LRBA: variants seen among roughly 807,000 people sequenced by gnomAD.
The protein encoded by LRBA is lipopolysaccharide-responsive and beige-like anchor protein.
Under a neutral mutation model 330.0 loss-of-function variants are expected in LRBA, and 176 were observed. The ratio of observed to expected loss-of-function variants is 0.53; its 90% CI spans 0.47 to 0.60. The LOEUF (loss-of-function observed/expected upper bound fraction) is 0.60. Among genes scored for constraint, LRBA ranks in the 20% least tolerant of loss-of-function variants. The probability of loss-of-function intolerance (pLI) is 0.00; values close to 1 mark genes in which losing one functional copy is unlikely to be tolerated. For synonymous variants in LRBA, 1,230 were observed against 1,193.0 expected, an observed-to-expected ratio of 1.03 and a Z score of -0.64; for missense variants, 3,259 against 3,444.8, an observed-to-expected ratio of 0.95 and a Z score of 1.35.
intron 2 of LRBA, among the ~76,000 whole-genome samples, chr4:151,006,742 T>C (rs1333256868): frequency 6.6e-6 from 1 of 152,148 alleles, no homozygotes; most frequent in African/African-American, 2.4e-5. Context: ...CAGTTTAAAA[T>C]AAATCAATTC....
intron 37 of LRBA, among the ~76,000 whole-genome samples, chr4:150,636,229 G>T (rs1434167062): frequency 6.7e-6 from 1 of 148,822 alleles, no homozygotes; most frequent in African/African-American, 2.5e-5. Context: ...TTTTGAGGAG[G>T]TACTTTGGAA....
intron 33 of LRBA, among the ~76,000 whole-genome samples, chr4:150,799,434 T>C (rs1406061711): frequency 6.6e-6 from 1 of 152,206 alleles, no homozygotes; most frequent in East Asian, 1.9e-4. Context: ...TCTGCTGGTC[T>C]GAAACCTTGC....
At chr4:150,998,446 T>C (rs1307675904) in intron 2 of LRBA, among the ~76,000 whole-genome samples, 3 of 151,758 alleles carry the variant, frequency 2.0e-5, no homozygotes, top group African/African-American at 7.3e-5. Flanking sequence ...CTCAAACTCC[T>C]GGGCTCACGT....
At chr4:150,639,769 A>ATGTG (rs1340165155) in intron 37 of LRBA, among the ~76,000 whole-genome samples, 523 of 6,858 alleles carry the variant, frequency 0.076, 64 homozygotes, top group African/African-American at 0.2. Flanking sequence ...ATATATATAT[A>ATGTG]TATATATATA....
intron 37 of LRBA, among the ~76,000 whole-genome samples, chr4:150,613,055 T>C (rs1437527498): frequency 2.0e-5 from 3 of 152,012 alleles, no homozygotes; most frequent in African/African-American, 7.2e-5. Context: ...GCCGGTCCAA[T>C]AGAAAATGAG....
chr4:150,284,491 T>C (rs2085722), intron 54 of LRBA, among the ~76,000 whole-genome samples: 39,523 of 152,168 alleles, frequency 0.26, 5,352 homozygotes, highest in Non-Finnish European at 0.3. Flanking sequence ...GTTTTACTAC[T>C]TTTTTCATGT....
chr4:150,636,307 T>C (rs1777906229), intron 37 of LRBA, among the ~76,000 whole-genome samples: 1 of 152,180 alleles, frequency 6.6e-6, no homozygotes, highest in Non-Finnish European at 1.5e-5. Context: ...TATGATCTTC[T>C]ATTTTATTCA....
At chr4:150,434,023 C>A (rs1750770420) in intron 46 of LRBA, among the ~76,000 whole-genome samples, 1 of 152,080 alleles carries the variant, frequency 6.6e-6, no homozygotes, top group Non-Finnish European at 1.5e-5. Flanking sequence ...TACCTAAAAG[C>A]AAGATGCAAT....
At chr4:150,604,633 G>C (rs1321257045) in intron 37 of LRBA, among the ~76,000 whole-genome samples, 5 of 152,140 alleles carry the variant, frequency 3.3e-5, no homozygotes, top group African/African-American at 1.2e-4. Context: ...AAAAGTATGT[G>C]TAACAGAACA....
Position 150,321,842 on chromosome 4 carries a change from G to A in LRBA, c.7453-474C>T, listed in dbSNP as rs1289812046. ...TCCAAAGATCATCAAAAGTTGTGTTGAGTTAGCAGGAAGATTTTGACAACT... is the reference window on the plus strand; with the variant it reads ...TCCAAAGATCATCAAAAGTTGTGTTAAGTTAGCAGGAAGATTTTGACAACT... On this transcript the variant is annotated intron_variant, in intron 49 of 56. Transcript: ENST00000651943. The surrounding 1 kb of genome is among the most constrained non-coding windows in gnomAD (Gnocchi z 4.5). Among the ~76,000 whole-genome samples, 2 of 152,120 alleles carry A rather than the reference G, an allele frequency of 1.3e-5. No homozygotes were observed. The highest frequency in any genetic ancestry group is 4.8e-5 in the African/African-American group (2 of 41,420).
At chr4:150,892,952 C>A in intron 17 of LRBA, 100 bp downstream of exon 17, 1 of 689,128 alleles carries the variant, frequency 1.5e-6, no homozygotes, top group Non-Finnish European at 2.4e-6. Context: ...ATGCTATAAA[C>A]TCATTTCATA....
At chr4:150,988,388 A>G (rs906042857) in intron 2 of LRBA, among the ~76,000 whole-genome samples, 1 of 152,230 alleles carries the variant, frequency 6.6e-6, no homozygotes, top group African/African-American at 2.4e-5. Flanking sequence ...AACCTTAATT[A>G]AAGTATAATA....
chr4:150,760,007 A>AGGCT (rs1734858503), intron 35 of LRBA, among the ~76,000 whole-genome samples: 1 of 152,100 alleles, frequency 6.6e-6, no homozygotes, highest in Non-Finnish European at 1.5e-5. Flanking sequence ...CCTCATATAA[A>AGGCT]TTTTTCTTTA....
chr4:150,981,460 C>T (rs1003052041), intron 2 of LRBA, among the ~76,000 whole-genome samples: 17 of 150,394 alleles, frequency 1.1e-4, no homozygotes, highest in African/African-American at 4.2e-4. Flanking sequence ...CCACAAAAGA[C>T]CCAGAATAGC....
At chr4:150,635,782 T>G (rs1777834692) in intron 37 of LRBA, among the ~76,000 whole-genome samples, 1 of 152,122 alleles carries the variant, frequency 6.6e-6, no homozygotes, top group South Asian at 2.1e-4. Context: ...CCACTCAAAT[T>G]TTACTAATTA....
intron 44 of LRBA, among the ~76,000 whole-genome samples, chr4:150,456,887 T>A (rs1754146904): frequency 6.6e-6 from 1 of 152,286 alleles, no homozygotes; most frequent in South Asian, 2.1e-4. Flanking sequence ...CTTCTGCATA[T>A]GAATATCCAG....
intron 40 of LRBA, chr4:150,579,496 T>A: frequency 2.6e-6 from 1 of 381,018 alleles, no homozygotes; most frequent in Non-Finnish European, 5.1e-6. Flanking sequence ...GTTTAACTGA[T>A]TTATTATTTA....
intron 34 of LRBA, among the ~76,000 whole-genome samples, chr4:150,780,911 G>A (rs914073544): frequency 1.3e-5 from 2 of 151,686 alleles, no homozygotes; most frequent in Admixed American, 1.3e-4. Flanking sequence ...ACGGAGTCTC[G>A]CTCTGTCACC....
intron 26 of LRBA, among the ~76,000 whole-genome samples, chr4:150,845,442 GTTAGA>G (rs1346361912): frequency 6.6e-6 from 1 of 152,174 alleles, no homozygotes; most frequent in Non-Finnish European, 1.5e-5. Context: ...GAATCAGGCA[GTTAGA>G]TTACTTAGAA....
Sources: gnomAD v4.1 joint callset for allele counts (sites outside exome capture counted in the v4.1 genomes callset) on GRCh38, gnomAD v4.1.1 for gene constraint, Gnocchi (gnomAD v3.1) non-coding constraint, MANE v1.5 for transcripts, NCBI Gene and HGNC (gene_info 2026-07-23, HGNC 2026-07-21) for gene names.